PLXDC2: variants seen among roughly 807,000 people sequenced by gnomAD.
The protein encoded by PLXDC2 is plexin domain-containing protein 2.
In PLXDC2, 40 loss-of-function variants were observed where a neutral mutation model predicts 68.9. The ratio of observed to expected loss-of-function variants is 0.58; its 90% confidence interval spans 0.45 to 0.76. PLXDC2 has a LOEUF of 0.76. Ranked by LOEUF, PLXDC2 falls within the 30% of genes least tolerant of loss-of-function variation. The probability of loss-of-function intolerance (pLI) is 0.00; values close to 1 mark genes in which losing one functional copy is unlikely to be tolerated. For missense variants in PLXDC2, 644 were observed against 661.9 expected (o/e 0.97, Z 0.30); for synonymous variants, 243 against 234.2 (o/e 1.04, Z -0.34).
At chr10:20,070,305 G>A (rs1836293997) in intron 4 of PLXDC2, among the ~76,000 whole-genome samples, 1 of 152,154 alleles carries the variant, frequency 6.6e-6, no homozygotes, top group Admixed American at 6.5e-5. Context: ...GAAGAATATT[G>A]CAACTATTTG....
chr10:20,172,457 C>T (rs1834460962), intron 7 of PLXDC2, among the ~76,000 whole-genome samples: 1 of 152,282 alleles, frequency 6.6e-6, no homozygotes, highest in East Asian at 1.9e-4. Flanking sequence ...TGTCCCTCTG[C>T]TGGTTACGAT....
intron 1 of PLXDC2, among the ~76,000 whole-genome samples, chr10:19,903,761 A>T (rs1191263755): frequency 6.9e-6 from 1 of 145,376 alleles, no homozygotes. Context: ...CAGCTCCATG[A>T]GGTTTGAGCT....
Position 20,245,463 on chromosome 10 carries a change from G to A in PLXDC2, c.1431G>A (p.Met477Ile), listed in dbSNP as rs1186196955. 6.2e-7 allele frequency: 1 copy of A among 1,613,096 alleles called. No homozygotes were observed. The highest frequency in any genetic ancestry group is 8.5e-7 in the Non-Finnish European group (1 of 1,179,908). The change falls in exon 13 of 14, where the codon ATG becomes ATA. Residue 477 changes from methionine (M) to isoleucine (I), a missense_variant. By Grantham distance (10) the Met-to-Ile change is conservative. Around this residue, in one of 3 missense-constraint regions of PLXDC2, gnomAD observed 330 missense variants for 327.9 expected, o/e 1.01. Coordinates refer to ENST00000377252, the MANE Select transcript of PLXDC2 (RefSeq NM_032812.9). ...VATAILVTVY[M>I]YHHPTSAASI... ...CAGCCATTCTTGTGACAGTCTATAT[G>A]TATCACCACCCAACATCAGCAGCCA...
intron 13 of PLXDC2, among the ~76,000 whole-genome samples, chr10:20,276,958 T>C (rs972874945): frequency 1.3e-5 from 2 of 152,122 alleles, no homozygotes; most frequent in East Asian, 3.9e-4. Flanking sequence ...AAGAATGTAA[T>C]TTCAGCACTT....
At chr10:20,004,561 T>G (rs1834995391) in intron 2 of PLXDC2, among the ~76,000 whole-genome samples, 1 of 152,144 alleles carries the variant, frequency 6.6e-6, no homozygotes. Context: ...CACATCCCTA[T>G]TCGGCTAAAA....
At chr10:20,022,598 T>C (rs560920969) in intron 2 of PLXDC2, among the ~76,000 whole-genome samples, 55 of 152,208 alleles carry the variant, frequency 3.6e-4, no homozygotes, top group African/African-American at 1.2e-3. Flanking sequence ...GAGTAAGGAT[T>C]AGAAGATTAG....
chr10:19,975,313 C>T (rs1422352976), intron 1 of PLXDC2, among the ~76,000 whole-genome samples: 3 of 152,036 alleles, frequency 2.0e-5, no homozygotes, highest in Admixed American at 2.0e-4. Context: ...AAAAAATTAG[C>T]TGGGCATGGT....
intron 5 of PLXDC2, 114 bp from the exon 6 acceptor site, chr10:20,147,670 G>GTA: frequency 1.6e-6 from 1 of 635,174 alleles, no homozygotes; most frequent in Non-Finnish European, 2.8e-6. Context: ...AATCGAAATA[G>GTA]TACAACTACC....
At chr10:19,925,701 G>A (rs550696884) in intron 1 of PLXDC2, among the ~76,000 whole-genome samples, 1 of 152,208 alleles carries the variant, frequency 6.6e-6, no homozygotes, top group African/African-American at 2.4e-5. Context: ...CTGCTATGGG[G>A]TGACAGAGAG....
In PLXDC2 at chr10:20,252,749, CATTCCA is replaced by C. The variant is rs1835694678; in HGVS notation, c.1473+7245_1473+7250del. On this transcript the variant is annotated intron_variant, in intron 13 of 13. Coordinates refer to ENST00000377252, the MANE Select transcript of PLXDC2 (RefSeq NM_032812.9). ...ATCATCCTTTCCTTCAGGGAGCTTA[CATTCCA>C]GTGGGTGGAGACAGATGATAAACAC... Among the ~76,000 whole-genome samples, 4 of 152,314 alleles carry C rather than the reference CATTCCA, an allele frequency of 2.6e-5. No individual in the cohort carries two copies. In the South Asian group the frequency reaches 8.3e-4, roughly 32 times the overall value.
chr10:20,035,171 T>C (rs1835558017), intron 2 of PLXDC2, among the ~76,000 whole-genome samples: 2 of 152,116 alleles, frequency 1.3e-5, no homozygotes, highest in South Asian at 2.1e-4. Flanking sequence ...ATTTGCAAAA[T>C]GATGTGCAGA....
intron 1 of PLXDC2, among the ~76,000 whole-genome samples, chr10:19,870,727 A>G (rs1044186002): frequency 6.6e-6 from 1 of 152,112 alleles, no homozygotes; most frequent in Admixed American, 6.6e-5. Flanking sequence ...CACCCAGCCT[A>G]CTACTACTAT....
rs140039110 is a variant in PLXDC2, at chr10:20,071,863, A to G, written c.541+3624A>G. 7.8e-4 allele frequency among the ~76,000 whole-genome samples: 119 copies of G among 152,302 alleles called. 1 individual carries two copies. Among genetic ancestry groups the G allele is most frequent in the African/African-American group, 2.8e-3 (116 of 41,570 alleles). On this transcript the variant is annotated intron_variant, in intron 4 of 13. Transcript: ENST00000377252. ...AGAGGAAGGTAGAATTTTAGTAGGC[A>G]AAGAGGCAGTTGAGAAGAAGTGGAG...
intron 12 of PLXDC2, among the ~76,000 whole-genome samples, chr10:20,219,753 A>G (rs1331881157): frequency 6.6e-6 from 1 of 152,174 alleles, no homozygotes; most frequent in East Asian, 1.9e-4. Context: ...GGGTCTTAAT[A>G]AAAGAGATTT....
At chr10:20,164,392 A>G in intron 6 of PLXDC2, 76 bp from the exon 7 acceptor site, 1 of 1,160,752 alleles carries the variant, frequency 8.6e-7, no homozygotes, top group Non-Finnish European at 1.3e-6. Context: ...TCCATGAAAC[A>G]AGAGGATCCT....
chr10:19,989,744 T>C (rs1199305205), intron 1 of PLXDC2, among the ~76,000 whole-genome samples: 2 of 133,320 alleles, frequency 1.5e-5, no homozygotes, highest in African/African-American at 5.9e-5. Flanking sequence ...TTTTTTTACT[T>C]ATGTGAATTT....
At chr10:19,821,144 TC>T (rs1439339034) in intron 1 of PLXDC2, among the ~76,000 whole-genome samples, 1 of 152,144 alleles carries the variant, frequency 6.6e-6, no homozygotes, top group Non-Finnish European at 1.5e-5. Flanking sequence ...AGCTACTTTC[TC>T]CTCACATTAA....
chr10:20,045,697 C>T (rs7089618), intron 2 of PLXDC2, among the ~76,000 whole-genome samples: 102,555 of 151,974 alleles, frequency 0.67, 37,213 homozygotes, highest in East Asian at 1. Flanking sequence ...AATTTTATTA[C>T]ATTTAATTAT....
chr10:19,935,090 T>C (rs1246524635), intron 1 of PLXDC2, among the ~76,000 whole-genome samples: 1 of 152,160 alleles, frequency 6.6e-6, no homozygotes, highest in Non-Finnish European at 1.5e-5. Context: ...ATCAAATCAT[T>C]GATCATTTAT....
Sources: gnomAD v4.1 joint callset for allele counts (sites outside exome capture counted in the v4.1 genomes callset) on GRCh38, gnomAD v4.1.1 for gene constraint, gnomAD v4.1.1 regional missense constraint, MANE v1.5 for transcripts, NCBI Gene and HGNC (gene_info 2026-07-23, HGNC 2026-07-21) for gene names.